Variants in VAC14 observed in about 807,000 individuals in gnomAD.
The protein encoded by VAC14 is VAC14 component of PIKFYVE complex, also known as protein VAC14 homolog.
VAC14 carries 47 observed loss-of-function variants against 85.3 expected under a neutral mutation model. The ratio of observed to expected loss-of-function variants is 0.55; its 90% CI spans 0.44 to 0.70. The LOEUF is 0.70. VAC14 is among the 30% of genes least tolerant of loss of function. VAC14 has a pLI of 0.00. For synonymous variants in VAC14, 447 were observed against 430.5 expected, an observed-to-expected ratio of 1.04 and a Z score of -0.47; for missense variants, 861 against 1,004.3, an observed-to-expected ratio of 0.86 and a Z score of 1.93.
intron 1 of VAC14, among the ~76,000 whole-genome samples, chr16:70,792,150 T>A (rs2034368653): frequency 6.6e-6 from 1 of 152,132 alleles, no homozygotes; most frequent in Non-Finnish European, 1.5e-5. Context: ...TCAGCCAGCC[T>A]GTGGTGTGGT....
In VAC14 at chr16:70,800,942, T is replaced by G. The variant is rs765329752; in HGVS notation, c.-42A>C. 6.1e-6 allele frequency: 9 copies of G among 1,477,642 alleles called. No individual in the cohort carries two copies. Among genetic ancestry groups the G allele is most frequent in the African/African-American group, 1.5e-5 (1 of 68,718 alleles). The allele number at this position is 1,477,642 out of a possible 1,614,324, so 91.5% of individuals were successfully genotyped here. A position where few individuals can be genotyped will look rare whatever the true frequency, so the allele number is the denominator to read the frequency against. Reference sequence around the variant, plus strand: ...ACCTCGCGACTCCTTAGCCCGCGGCTGCCGGGGCCGCGCCGGGGCCAGGGG... The same window carrying G: ...ACCTCGCGACTCCTTAGCCCGCGGCGGCCGGGGCCGCGCCGGGGCCAGGGG... On this transcript the variant is annotated 5_prime_UTR_variant, in exon 1 of 19. Transcript: ENST00000261776.
At chr16:70,733,191 A>G (rs1016310671) in intron 13 of VAC14, among the ~76,000 whole-genome samples, 3 of 152,082 alleles carry the variant, frequency 2.0e-5, no homozygotes, top group East Asian at 3.9e-4. Flanking sequence ...TTCCGTCTCT[A>G]TGGATTTGCC....
chr16:70,690,170 T>G, intron 18 of VAC14: 1 of 985,532 alleles, frequency 1.0e-6, no homozygotes, highest in Non-Finnish European at 1.2e-6. Flanking sequence ...ATCTGCTCCC[T>G]GGGCCCTTAG....
chr16:70,788,775 G>A (rs754035966), intron 1 of VAC14, among the ~76,000 whole-genome samples: 14 of 152,158 alleles, frequency 9.2e-5, no homozygotes, highest in Non-Finnish European at 1.6e-4. Context: ...ATGAAGTGTT[G>A]CTTTTTCTGC....
chr16:70,736,473 A>T (rs1461194600), intron 13 of VAC14, among the ~76,000 whole-genome samples: 1 of 152,174 alleles, frequency 6.6e-6, no homozygotes, highest in Non-Finnish European at 1.5e-5. Context: ...AAGGGGGGCC[A>T]CCTGTGACCC....
intron 10 of VAC14, among the ~76,000 whole-genome samples, chr16:70,767,884 AATTATT>A (rs147141610): frequency 1.1e-3 from 160 of 152,004 alleles, no homozygotes; most frequent in African/African-American, 2.8e-3. Flanking sequence ...AGCTTTTAAA[AATTATT>A]ATTATTATTA....
chr16:70,773,781 T>C (rs1010792), intron 9 of VAC14, among the ~76,000 whole-genome samples: 12 of 152,134 alleles, frequency 7.9e-5, no homozygotes, highest in African/African-American at 2.9e-4. Context: ...TATTTTTTTT[T>C]GAGATAGAGT....
chr16:70,696,051 C>A (rs62047964), intron 16 of VAC14, among the ~76,000 whole-genome samples: 3 of 152,214 alleles, frequency 2.0e-5, no homozygotes, highest in Non-Finnish European at 4.4e-5. Flanking sequence ...AGCAGGCACA[C>A]TGTGGGGAGC....
In VAC14 at chr16:70,737,199, T is replaced by C. The variant is rs532377220; in HGVS notation, c.1529-5572A>G. ...TCCGCCCACCTCCGGCTCTGGCTCA[T>C]CTGCTCTTGTAAGCAGGGTCCTGGG... On this transcript the variant is annotated intron_variant, in intron 13 of 18. Transcript: ENST00000261776. 2.0e-5 allele frequency among the ~76,000 whole-genome samples: 3 copies of C among 152,330 alleles called. No individual in the cohort carries two copies. The East Asian group carries it at 5.8e-4, about 29-fold the overall frequency.
At chr16:70,785,633 G>C (rs1339912724) in intron 3 of VAC14, 69 bp downstream of exon 3, 2 of 1,483,114 alleles carry the variant, frequency 1.3e-6, no homozygotes, top group Non-Finnish European at 1.8e-6. Context: ...GGGGTCCAAG[G>C]TTCCAGAAGG....
intron 1 of VAC14, among the ~76,000 whole-genome samples, chr16:70,789,588 T>G (rs1364063728): frequency 6.6e-6 from 1 of 152,234 alleles, no homozygotes; most frequent in Non-Finnish European, 1.5e-5. Flanking sequence ...GCAGCAGACC[T>G]TTAGTTTAAT....
chr16:70,687,944 C>A lies in VAC14; in HGVS notation c.2333G>T (p.Arg778Leu), dbSNP rs771375946. The change falls in exon 19 of 19, where the codon CGG (arginine) becomes CTG (leucine). Residue 778 changes from arginine to leucine, a missense_variant. Transcript: ENST00000261776. ...QRSGRGDHLD[R>L]RVVL ...CCAGGCCTGTCAGAGGACAACCCTCCGGTCCAGGTGGTCCCCACGCCCGCT... is the reference window on the plus strand; with the variant it reads ...CCAGGCCTGTCAGAGGACAACCCTCAGGTCCAGGTGGTCCCCACGCCCGCT... 3.2e-6 allele frequency: 5 copies of A among 1,563,402 alleles called. No homozygotes were observed. The highest frequency in any genetic ancestry group is 1.2e-5 in the South Asian group (1 of 85,030).
Position 70,692,966 on chromosome 16 carries a change from G to A in VAC14, c.2041C>T (p.Arg681Cys), listed in dbSNP as rs757966451. ...LIECPIFTYL[R>C]LQLLDVKNNP... is the part of the protein sequence containing the mutation. ...TTCTTCACGTCCAGCAGCTGCAGGC[G>A]CAGATCTGGGGTAGGCAGAGGGCAG... Residue 681 changes from arginine (R) to cysteine (C), a missense_variant, in exon 18 of 19, where the codon CGC becomes TGC. Arg to Cys is a radical substitution (Grantham distance 180). Coordinates refer to ENST00000261776, the MANE Select transcript of VAC14 (RefSeq NM_018052.5). 4 of 1,610,510 alleles carry A rather than the reference G, an allele frequency of 2.5e-6. No homozygotes were observed. Among genetic ancestry groups the A allele is most frequent in the African/African-American group, 1.3e-5 (1 of 75,040 alleles).
intron 10 of VAC14, among the ~76,000 whole-genome samples, chr16:70,763,344 T>C (rs1451219154): frequency 6.6e-6 from 1 of 152,208 alleles, no homozygotes; most frequent in Non-Finnish European, 1.5e-5. Flanking sequence ...CACTCACTTT[T>C]CCTTTTCTTT....
At position 70,783,126 on chromosome 16, in the gene VAC14, G is replaced by T; in HGVS notation, c.718C>A (p.Leu240Ile). Reference protein sequence around the residue: ...KEIRKMCEVVLGEFLKEIKKN... With the variant: ...KEIRKMCEVVIGEFLKEIKKN... ...TTAATTTCTTTTAAGAATTCTCCAA[G>T]AACAACCTCACACCTATGAACAAGA... Residue 240 changes from leucine (L) to isoleucine (I), a missense_variant, in exon 7 of 19, where the codon CTT becomes ATT. Leu to Ile is a conservative substitution (Grantham distance 5, BLOSUM62 2). This residue lies in a region of VAC14 where 629 missense variants were observed against 703.1 expected (regional missense o/e 0.89). Transcript: ENST00000261776. The T allele has an allele frequency of 6.2e-7, 1 of 1,613,948 alleles. No individual in the cohort carries two copies. The highest frequency in any genetic ancestry group is 8.5e-7 in the Non-Finnish European group (1 of 1,179,972).
At position 70,783,431 on chromosome 16, in the gene VAC14, C is replaced by A; in HGVS notation, c.704+14G>T. The A allele has an allele frequency of 6.2e-7, 1 of 1,613,580 alleles. No homozygotes were observed. Among genetic ancestry groups the A allele is most frequent in the Non-Finnish European group, 8.5e-7 (1 of 1,179,730 alleles). On this transcript the variant is annotated intron_variant, in intron 6 of 18. Coordinates refer to ENST00000261776, the MANE Select transcript of VAC14 (RefSeq NM_018052.5). ...GGCAGGAGGCAGCAGCTTCCTGCCC[C>A]TTACTCCACTCACATTTTGCGAATC...
At chr16:70,792,213 C>T (rs1018168982) in intron 1 of VAC14, among the ~76,000 whole-genome samples, 3 of 152,198 alleles carry the variant, frequency 2.0e-5, no homozygotes, top group African/African-American at 7.2e-5. Context: ...CAAGGGGAAG[C>T]AGAGTAAGTG....
intron 1 of VAC14, among the ~76,000 whole-genome samples, chr16:70,788,179 G>C (rs1047095659): frequency 2.6e-5 from 4 of 152,222 alleles, no homozygotes; most frequent in Non-Finnish European, 4.4e-5. Flanking sequence ...CTAATAGTTA[G>C]AGCTGGGACT....
chr16:70,801,128 C>T lies in VAC14; in HGVS notation c.-228G>A, dbSNP rs1054806448. On this transcript the variant is annotated 5_prime_UTR_variant, in exon 1 of 19. Transcript: ENST00000261776. ...CAACTCCCGCCCGGCACTAGCGGGA[C>T]TCACGAGACAGCGGCCATGTTACTC... 1.4e-5 allele frequency: 6 copies of T among 428,092 alleles called. No homozygotes were observed. Among genetic ancestry groups the T allele is most frequent in the African/African-American group, 4.2e-5 (2 of 47,968 alleles). 26.5% of individuals were successfully genotyped at this position (428,092 alleles called of 1,614,324 possible).
Sources: gnomAD v4.1 joint callset for allele counts (sites outside exome capture counted in the v4.1 genomes callset) on GRCh38, gnomAD v4.1.1 for gene constraint, gnomAD v4.1.1 regional missense constraint, MANE v1.5 for transcripts, NCBI Gene and HGNC (gene_info 2026-07-23, HGNC 2026-07-21) for gene names.